Variants in NAALADL2 observed in about 807,000 individuals in gnomAD.
NAALADL2 encodes the protein N-acetylated alpha-linked acidic dipeptidase like 2.
NAALADL2 carries 76 observed loss-of-function variants against 87.2 expected under a neutral mutation model. The observed-to-expected ratio is 0.87, with a 90% CI of 0.72 to 1.05. The LOEUF (loss-of-function observed/expected upper bound fraction) is 1.05, where lower values mean the gene tolerates loss of function less well. Ranked by LOEUF, NAALADL2 falls within the 50% of genes least tolerant of loss-of-function variation. NAALADL2 has a pLI of 0.00. For synonymous variants in NAALADL2, 354 were observed against 331.0 expected (o/e 1.07, Z -0.75); for missense variants, 1,089 against 945.8 (o/e 1.15, Z -1.99).
intron 2 of NAALADL2, among the ~76,000 whole-genome samples, chr3:175,188,687 G>A (rs1737699208): frequency 6.6e-6 from 1 of 152,046 alleles, no homozygotes; most frequent in African/African-American, 2.4e-5. Flanking sequence ...ACACTGTACT[G>A]CTCCCTGCTA....
intron 5 of NAALADL2, among the ~76,000 whole-genome samples, chr3:175,412,518 A>G (rs1051025475): frequency 1.3e-5 from 2 of 152,218 alleles, no homozygotes; most frequent in Non-Finnish European, 2.9e-5. Flanking sequence ...GATGGGGGTT[A>G]TCTCCTAGAT....
intron 4 of NAALADL2, among the ~76,000 whole-genome samples, chr3:175,270,514 T>A (rs28451790): frequency 0.012 from 1,819 of 152,294 alleles, 38 homozygotes; most frequent in African/African-American, 0.042. Flanking sequence ...GTTGAATTTG[T>A]TCCCAACCAG....
In NAALADL2 at chr3:175,737,184, T is replaced by G. The variant is rs143691940; in HGVS notation, c.1897-122T>G. Reference sequence around the variant, plus strand: ...AAGAAAAAGAGATTTTATAAAACTATATTATTCCTGTGTGTTTTTGCTGCT... The same window carrying G: ...AAGAAAAAGAGATTTTATAAAACTAGATTATTCCTGTGTGTTTTTGCTGCT... On this transcript the variant is annotated intron_variant, in intron 11 of 13. Transcript: ENST00000454872. The G allele has an allele frequency of 9.9e-5, 61 of 616,798 alleles. No homozygotes were observed. In the East Asian group the frequency reaches 1.8e-3, roughly 18 times the overall value. The allele number at this position is 616,798 out of a possible 1,614,324, so 38.2% of individuals were successfully genotyped here. A position where few individuals can be genotyped will look rare whatever the true frequency, so the allele number is the denominator to read the frequency against.
intron 2 of NAALADL2, among the ~76,000 whole-genome samples, chr3:175,164,292 G>A (rs945701272): frequency 6.6e-6 from 1 of 151,200 alleles, no homozygotes; most frequent in Non-Finnish European, 1.5e-5. Context: ...TATATATATG[G>A]CACATAATAA....
intron 1 of NAALADL2, among the ~76,000 whole-genome samples, chr3:175,074,930 G>A (rs1716318289): frequency 7.0e-6 from 1 of 143,408 alleles, no homozygotes; most frequent in Non-Finnish European, 1.5e-5. Context: ...GGAGGAGGAG[G>A]AAGAGTAGAA....
chr3:175,555,532 G>C (rs1362244961), intron 9 of NAALADL2, among the ~76,000 whole-genome samples: 1 of 152,094 alleles, frequency 6.6e-6, no homozygotes, highest in Non-Finnish European at 1.5e-5. Context: ...ACATGGGTAA[G>C]CATTTCCTAC....
At chr3:174,883,885 A>C (rs1447527792) in intron 1 of NAALADL2, among the ~76,000 whole-genome samples, 3 of 152,140 alleles carry the variant, frequency 2.0e-5, no homozygotes, top group Non-Finnish European at 4.4e-5. Flanking sequence ...GGTAATACTA[A>C]GAGACCCCCT....
chr3:175,719,550 A>G (rs1175389211), intron 11 of NAALADL2, among the ~76,000 whole-genome samples: 1 of 152,206 alleles, frequency 6.6e-6, no homozygotes, highest in East Asian at 1.9e-4. Flanking sequence ...TTACAAATGC[A>G]AACTGCTTTA....
At chr3:175,537,502 C>A (rs1352881293) in intron 9 of NAALADL2, among the ~76,000 whole-genome samples, 8 of 152,140 alleles carry the variant, frequency 5.3e-5, no homozygotes, top group Non-Finnish European at 2.9e-5. Flanking sequence ...GTTTAGTGTT[C>A]TCTTATACAA....
intron 11 of NAALADL2, among the ~76,000 whole-genome samples, chr3:175,693,731 G>T (rs1172925063): frequency 6.6e-6 from 1 of 152,100 alleles, no homozygotes; most frequent in East Asian, 1.9e-4. Context: ...ACAGAGTCTT[G>T]CTCTTTCGCC....
At chr3:174,823,782 C>T (rs1010972899) in intron 3 of NAALADL2, among the ~76,000 whole-genome samples, 5 of 152,000 alleles carry the variant, frequency 3.3e-5, no homozygotes, top group African/African-American at 1.2e-4. Flanking sequence ...ACAATCTTGG[C>T]TCACCACAAC....
chr3:174,604,631 T>C (rs1718803535), intron 2 of NAALADL2, among the ~76,000 whole-genome samples: 1 of 152,040 alleles, frequency 6.6e-6, no homozygotes, highest in Admixed American at 6.6e-5. Flanking sequence ...CTGTTGTGTG[T>C]GTGTGTGTGT....
intron 2 of NAALADL2, among the ~76,000 whole-genome samples, chr3:175,137,289 A>G (rs1729251809): frequency 6.6e-6 from 1 of 152,148 alleles, no homozygotes; most frequent in African/African-American, 2.4e-5. Flanking sequence ...ATTTTTTTAA[A>G]TGTTTCACCC....
At chr3:175,664,154 T>C (rs1015485608) in intron 11 of NAALADL2, among the ~76,000 whole-genome samples, 1 of 152,074 alleles carries the variant, frequency 6.6e-6, no homozygotes, top group Non-Finnish European at 1.5e-5. Context: ...TCCTAAACGC[T>C]CATGCTCATA....
chr3:175,248,545 C>T (rs1008537749), intron 3 of NAALADL2, among the ~76,000 whole-genome samples: 18 of 151,912 alleles, frequency 1.2e-4, no homozygotes, highest in African/African-American at 4.1e-4. Context: ...TCTCTCTCTC[C>T]ATTAAGTGAT....
At chr3:174,676,769 G>A (rs933259983) in intron 2 of NAALADL2, among the ~76,000 whole-genome samples, 5 of 151,642 alleles carry the variant, frequency 3.3e-5, no homozygotes, top group African/African-American at 9.7e-5. Flanking sequence ...CATTTACCTC[G>A]AGTTAATAAT....
At chr3:175,474,699 G>A (rs149448598) in intron 9 of NAALADL2, among the ~76,000 whole-genome samples, 5 of 148,190 alleles carry the variant, frequency 3.4e-5, no homozygotes, top group Non-Finnish European at 1.5e-5. Flanking sequence ...TGCTGGCATT[G>A]GGGGGAGGTT....
intron 2 of NAALADL2, among the ~76,000 whole-genome samples, chr3:174,653,349 T>G (rs1274858039): frequency 6.6e-6 from 1 of 152,196 alleles, no homozygotes; most frequent in African/African-American, 2.4e-5. Flanking sequence ...AACAAGTGCT[T>G]CTTTTTTTGT....
Position 174,787,604 on chromosome 3 carries a change from T to TATATATACACAC in NAALADL2, c.-9+49865_-9+49866insCACACATATATA, listed in dbSNP as rs1553855446. Among the ~76,000 whole-genome samples, 47 of 87,934 alleles carry TATATATACACAC rather than the reference T, an allele frequency of 5.3e-4. 2 individuals carry two copies. The highest frequency in any genetic ancestry group is 6.5e-4 in the African/African-American group (18 of 27,504). 57.7% of individuals were successfully genotyped at this position (87,934 alleles called of 152,430 possible). ...ATATATATATATATATATATATATA[T>TATATATACACAC]ATATATATATATATATAGTAGTGAC... On this transcript the variant is annotated intron_variant, in intron 3 of 3. Transcript: ENST00000434257.
Sources: allele counts gnomAD v4.1 joint callset (sites outside exome capture counted in the v4.1 genomes callset), GRCh38; gene constraint gnomAD v4.1.1; transcripts MANE v1.5; gene names NCBI Gene and HGNC (gene_info 2026-07-23, HGNC 2026-07-21).